The following ELMOD1 variants were observed in gnomAD, a reference collection of about 807,000 sequenced individuals.
The protein encoded by ELMOD1 is ELMO domain-containing protein 1.
In ELMOD1, 21 loss-of-function variants were observed where a neutral mutation model predicts 46.7. That is an observed-to-expected ratio of 0.45 (90% CI 0.32 to 0.65). The LOEUF is 0.65. ELMOD1 is among the 30% of genes least tolerant of loss of function. ELMOD1 has a pLI of 0.04. For synonymous variants in ELMOD1, 122 were observed against 138.2 expected, an observed-to-expected ratio of 0.88 and a Z score of 0.82; for missense variants, 348 against 407.8, an observed-to-expected ratio of 0.85 and a Z score of 1.26.
Position 107,630,499 on chromosome 11 carries a change from A to C in ELMOD1, c.100A>C (p.Arg34=), listed in dbSNP as rs145262377. 522 of 1,609,974 alleles carry C rather than the reference A, an allele frequency of 3.2e-4. 4 individuals are homozygous for C. In the African/African-American group the frequency reaches 6.1e-3, roughly 19 times the overall value. The change falls in exon 3 of 12, where the codon AGA becomes CGA. Residue 34 remains arginine, a synonymous_variant. Transcript: ENST00000265840. The stretch of plus-strand genomic sequence containing the variant: ...ATTTGTAATGAGGAAGCTAACTGGA[A>C]GATGTGAACTACAACGGATCTGTTA... ...LKFVMRKLTG[R]CELQRICYNT... is the part of the protein sequence containing the mutation.
chr11:107,607,106 G>C (rs1195653204), intron 1 of ELMOD1, among the ~76,000 whole-genome samples: 1 of 152,158 alleles, frequency 6.6e-6, no homozygotes, highest in East Asian at 1.9e-4. Flanking sequence ...CATCACTGAA[G>C]AAGGGGTGGA....
intron 5 of ELMOD1, among the ~76,000 whole-genome samples, chr11:107,634,717 G>T (rs1002341055): frequency 1.3e-5 from 2 of 151,928 alleles, no homozygotes; most frequent in Non-Finnish European, 2.9e-5. Context: ...CTCCAGCCTG[G>T]GTAACAGAGC....
At chr11:107,634,731 A>G (rs1034025019) in intron 5 of ELMOD1, among the ~76,000 whole-genome samples, 3 of 152,198 alleles carry the variant, frequency 2.0e-5, no homozygotes, top group South Asian at 4.2e-4. Context: ...ACAGAGCAAG[A>G]CTCTGTCTCA....
intron 2 of ELMOD1, among the ~76,000 whole-genome samples, chr11:107,619,730 T>C (rs552419830): frequency 4.6e-5 from 7 of 152,338 alleles, no homozygotes; most frequent in African/African-American, 1.7e-4. Flanking sequence ...TAAATTAATT[T>C]GTATATGATG....
At chr11:107,633,919 T>A (rs1866184602) in intron 5 of ELMOD1, among the ~76,000 whole-genome samples, 1 of 152,148 alleles carries the variant, frequency 6.6e-6, no homozygotes, top group Admixed American at 6.5e-5. Context: ...ATGATGAAAG[T>A]CATTCACTGA....
At chr11:107,619,715 A>G (rs1342723743) in intron 2 of ELMOD1, among the ~76,000 whole-genome samples, 2 of 152,214 alleles carry the variant, frequency 1.3e-5, no homozygotes, top group Admixed American at 1.3e-4. Flanking sequence ...CAAAGAGTAC[A>G]TTTTTAAATT....
At position 107,599,747 on chromosome 11, in the gene ELMOD1, A is replaced by AAAAAAAAG. The variant is rs1555058582; in HGVS notation, c.-86+8342_-86+8343insAAAGAAAA. Among the ~76,000 whole-genome samples the AAAAAAAAG allele has an allele frequency of 1.5e-4, 22 of 142,842 alleles. 1 individual carries two copies. In the East Asian group the frequency reaches 1.6e-3, roughly 10 times the overall value. 93.7% of individuals were successfully genotyped at this position (142,842 alleles called of 152,430 possible). A position where few individuals can be genotyped will look rare whatever the true frequency, so the allele number is the denominator to read the frequency against. ...ACAGAGCGAGACCTGTCTCAAAAAA[A>AAAAAAAAG]AAAAGAAAAAAAGAAAAGAAAAAAA... On this transcript the variant is annotated intron_variant, in intron 1 of 11. Transcript: ENST00000265840.
At chr11:107,612,880 T>G (rs1865803242) in intron 1 of ELMOD1, among the ~76,000 whole-genome samples, 1 of 152,198 alleles carries the variant, frequency 6.6e-6, no homozygotes, top group Non-Finnish European at 1.5e-5. Flanking sequence ...TGCACAGGCT[T>G]CTTCTGCCAC....
intron 1 of ELMOD1, among the ~76,000 whole-genome samples, chr11:107,611,003 A>AAG (rs1265504711): frequency 1.3e-5 from 2 of 150,292 alleles, no homozygotes; most frequent in Admixed American, 1.3e-4. Context: ...GAATCCAAAA[A>AAG]AAAAAAAAAA....
At chr11:107,604,684 T>C (rs1392593265) in intron 1 of ELMOD1, among the ~76,000 whole-genome samples, 1 of 152,184 alleles carries the variant, frequency 6.6e-6, no homozygotes, top group Non-Finnish European at 1.5e-5. Flanking sequence ...TAAAATAATA[T>C]TCACTCAGCA....
At chr11:107,654,122 C>T in intron 9 of ELMOD1, 50 bp from the exon 10 acceptor site, 1 of 1,453,874 alleles carries the variant, frequency 6.9e-7, no homozygotes, top group Non-Finnish European at 9.5e-7. Context: ...AGAACAAGTA[C>T]CAATTAGAGG....
chr11:107,635,663 T>C lies in ELMOD1; in HGVS notation c.318T>C (p.Leu106=). 6.2e-7 allele frequency: 1 copy of C among 1,613,896 alleles called. No individual in the cohort carries two copies. Among genetic ancestry groups the C allele is most frequent in the Non-Finnish European group, 8.5e-7 (1 of 1,179,814 alleles). Residue 106 remains leucine (L), a synonymous_variant, in exon 6 of 12, where the codon CTT becomes CTC. Coordinates refer to ENST00000265840, the MANE Select transcript of ELMOD1 (RefSeq NM_018712.4). The part of the protein sequence containing the change: ...PQLGISLQAC[L]LQIVGYRNLI... The stretch of plus-strand genomic sequence containing the variant: ...TGGGAATCTCTCTTCAGGCTTGCCT[T>C]CTGCAAATCGTTGGGTACAGGAACC...
chr11:107,606,628 AG>A (rs1430295069), intron 1 of ELMOD1, among the ~76,000 whole-genome samples: 1 of 152,198 alleles, frequency 6.6e-6, no homozygotes, highest in Non-Finnish European at 1.5e-5. Flanking sequence ...TGAGGTCAGG[AG>A]TTCAAGACCA....
intron 6 of ELMOD1, among the ~76,000 whole-genome samples, chr11:107,640,997 T>C (rs1034689850): frequency 1.3e-5 from 2 of 152,192 alleles, no homozygotes; most frequent in East Asian, 3.8e-4. Context: ...CAGTCCTATT[T>C]AATGCTGCCT....
rs1357922178 is a variant in ELMOD1 at position 107,655,789 on chromosome 11, T to C, written c.699-144T>C. The C allele has an allele frequency of 8.1e-6, 7 of 863,278 alleles. No individual in the cohort carries two copies. The East Asian group carries it at 1.9e-4, about 24-fold the overall frequency. 53.5% of individuals were successfully genotyped at this position (863,278 alleles called of 1,614,324 possible). Reference sequence around the variant, plus strand: ...CCCAGAACTGAGGGTTCTTCCCCTTTTAGACCATAAAGTGACTTCCTGACA... The same window carrying C: ...CCCAGAACTGAGGGTTCTTCCCCTTCTAGACCATAAAGTGACTTCCTGACA... On this transcript the variant is annotated intron_variant, in intron 10 of 11. Transcript: ENST00000265840.
chr11:107,632,393 G>C lies in ELMOD1; in HGVS notation c.290+716G>C, dbSNP rs574492. Among the ~76,000 whole-genome samples, 1,297 of 152,284 alleles carry C rather than the reference G, an allele frequency of 8.5e-3. 18 individuals carry two copies. Among genetic ancestry groups the C allele is most frequent in the African/African-American group, 0.03 (1,252 of 41,566 alleles). On this transcript the variant is annotated intron_variant, in intron 5 of 11. Coordinates refer to ENST00000265840, the MANE Select transcript of ELMOD1 (RefSeq NM_018712.4). The stretch of plus-strand genomic sequence containing the variant: ...CTGTCTTTTAGATGTTCGTGTCTGA[G>C]AACTTTAGATGTTACCTTTGAGAAA...
intron 10 of ELMOD1, among the ~76,000 whole-genome samples, chr11:107,654,708 G>T (rs989644761): frequency 2.0e-5 from 3 of 149,992 alleles, no homozygotes; most frequent in Non-Finnish European, 2.9e-5. Context: ...GGCGGAGCTT[G>T]CAGTGAGTGG....
intron 11 of ELMOD1, among the ~76,000 whole-genome samples, chr11:107,657,442 G>A (rs988970007): frequency 1.3e-5 from 2 of 152,084 alleles, no homozygotes; most frequent in African/African-American, 2.4e-5. Flanking sequence ...TGAGAAGATC[G>A]CTTGAGCCCA....
rs1565391245 is a variant in ELMOD1, at chr11:107,656,040, C to A, written c.806C>A (p.Thr269Lys). Residue 269 changes from threonine to lysine, a missense_variant, in exon 11 of 12, where the codon ACA becomes AAA. By Grantham distance (78) the Thr-to-Lys change is moderately conservative. Transcript: ENST00000265840. Reference sequence around the variant, plus strand: ...TACAATATCGCCCCAGAAGCTCCAACATTGTCTCACTTTCAGCAAACATTC... The same window carrying A: ...TACAATATCGCCCCAGAAGCTCCAAAATTGTCTCACTTTCAGCAAACATTC... ...HFYNIAPEAP[T>K]LSHFQQTFCY... 4 of 1,556,972 alleles carry A rather than the reference C, an allele frequency of 2.6e-6. No individual in the cohort carries two copies.
Sources: gnomAD v4.1 joint callset for allele counts (sites outside exome capture counted in the v4.1 genomes callset) on GRCh38, gnomAD v4.1.1 for gene constraint, MANE v1.5 for transcripts, NCBI Gene and HGNC (gene_info 2026-07-23, HGNC 2026-07-21) for gene names.